The following HRH4 variants were observed in gnomAD, a reference collection of about 807,000 sequenced individuals.
HRH4 encodes the protein histamine H4 receptor.
In HRH4, 12 loss-of-function variants were observed where a neutral mutation model predicts 10.4. That is an observed-to-expected ratio of 1.15 (90% CI 0.74 to 1.87). HRH4 has a LOEUF of 1.87. Among genes scored for constraint, HRH4 ranks in the 40% most tolerant of loss-of-function variants. The pLI is 0.00. For synonymous variants in HRH4, 154 were observed against 166.6 expected (o/e 0.92, Z 0.58); for missense variants, 415 against 453.3 (o/e 0.92, Z 0.77).
chr18:24,477,016 G>C lies in HRH4; in HGVS notation c.627G>C (p.Arg209Ser). The part of the protein sequence containing the change: ...WSLWKRDHLS[R>S]CQSHPGLTAV... The stretch of plus-strand genomic sequence containing the variant: ...TGTGGAAGCGTGATCATCTCAGTAG[G>C]TGCCAAAGCCATCCTGGACTGACTG... The change falls in exon 3 of 3, where the codon AGG becomes AGC. Residue 209 changes from arginine to serine, a missense_variant. Coordinates refer to ENST00000256906, the MANE Select transcript of HRH4 (RefSeq NM_021624.4). The C allele has an allele frequency of 6.2e-6, 10 of 1,614,124 alleles. No homozygotes were observed. The highest frequency in any genetic ancestry group is 8.5e-6 in the Non-Finnish European group (10 of 1,179,998).
Position 24,468,831 on chromosome 18 carries a change from A to G in HRH4, c.237A>G (p.Glu79=). The change falls in exon 2 of 3, where the codon GAA becomes GAG. Residue 79 remains glutamate, a synonymous_variant. Transcript: ENST00000256906. ...TGTACATCCCTCACACGCTGTTCGA[A>G]TGGGATTTTGGAAAGGAAATCTGTG... ...IPLYIPHTLF[E]WDFGKEICVF... is the part of the protein sequence containing the mutation. 6.2e-7 allele frequency: 1 copy of G among 1,614,004 alleles called. No individual in the cohort carries two copies. The highest frequency in any genetic ancestry group is 8.5e-7 in the Non-Finnish European group (1 of 1,179,966).
At chr18:24,470,468 C>T (rs912567123) in intron 2 of HRH4, among the ~76,000 whole-genome samples, 10 of 150,604 alleles carry the variant, frequency 6.6e-5, no homozygotes, top group African/African-American at 2.2e-4. Context: ...ACTTTATTTG[C>T]CCAAACAGGT....
At chr18:24,461,950 G>A (rs558733528) in intron 1 of HRH4, among the ~76,000 whole-genome samples, 10 of 152,192 alleles carry the variant, frequency 6.6e-5, no homozygotes, top group African/African-American at 2.4e-4. Context: ...GTGGACAAGA[G>A]ATGTTCAGAA....
At chr18:24,469,856 T>C (rs1244691846) in intron 2 of HRH4, among the ~76,000 whole-genome samples, 1 of 152,202 alleles carries the variant, frequency 6.6e-6, no homozygotes, top group Non-Finnish European at 1.5e-5. Context: ...GATTATTTTG[T>C]CACCCGGGGA....
chr18:24,468,824 T>A lies in HRH4; in HGVS notation c.230T>A (p.Leu77Gln). 1 of 1,614,100 alleles carries A rather than the reference T, an allele frequency of 6.2e-7. No individual in the cohort carries two copies. The highest frequency in any genetic ancestry group is 1.1e-5 in the South Asian group (1 of 91,066). ...ISIPLYIPHT[L>Q]FEWDFGKEIC... ...ATTCCTTTGTACATCCCTCACACGC[T>A]GTTCGAATGGGATTTTGGAAAGGAA... The change falls in exon 2 of 3, where the codon CTG (leucine) becomes CAG (glutamine). Residue 77 changes from leucine to glutamine, a missense_variant. Coordinates refer to ENST00000256906, the MANE Select transcript of HRH4 (RefSeq NM_021624.4).
intron 1 of HRH4, among the ~76,000 whole-genome samples, chr18:24,464,926 A>G (rs1909734784): frequency 6.6e-6 from 1 of 152,042 alleles, no homozygotes; most frequent in East Asian, 1.9e-4. Flanking sequence ...TGCAGAGAGG[A>G]GGGAAAGGGA....
In HRH4 at chr18:24,477,618, G is replaced by GTGAGAT; in HGVS notation, c.*57_*58insGAGATT. ...TCTCAATCTCACCTAAATGAATCAG[G>GTGAGAT]TCTGCCCTTTATCTTGCCCTTTTCA... On this transcript the variant is annotated 3_prime_UTR_variant, in exon 3 of 3. Transcript: ENST00000256906. 8.0e-7 allele frequency: 1 copy of GTGAGAT among 1,244,370 alleles called. No homozygotes were observed. Among genetic ancestry groups the GTGAGAT allele is most frequent in the Non-Finnish European group, 1.1e-6 (1 of 900,504 alleles). The allele number at this position is 1,244,370 out of a possible 1,614,324, so 77.1% of individuals were successfully genotyped here. A position where few individuals can be genotyped will look rare whatever the true frequency, so the allele number is the denominator to read the frequency against.
chr18:24,468,137 A>C (rs1208574053), intron 1 of HRH4, among the ~76,000 whole-genome samples: 1 of 152,144 alleles, frequency 6.6e-6, no homozygotes, highest in Non-Finnish European at 1.5e-5. Flanking sequence ...AGAAAGCTGA[A>C]GTCCCTGATA....
In HRH4 at chr18:24,468,857, T is replaced by C; in HGVS notation, c.263T>C (p.Val88Ala). ...TGGGATTTTGGAAAGGAAATCTGTG[T>C]ATTTTGGCTCACTACTGACTATCTG... ...FEWDFGKEIC[V>A]FWLTTDYLLC... The change falls in exon 2 of 3, where the codon GTA becomes GCA. Residue 88 changes from valine to alanine, a missense_variant. Transcript: ENST00000256906. 6.2e-7 allele frequency: 1 copy of C among 1,614,050 alleles called. No individual in the cohort carries two copies. The highest frequency in any genetic ancestry group is 8.5e-7 in the Non-Finnish European group (1 of 1,179,912).
chr18:24,470,501 A>ATTTTTTTTTTTTTTTT (rs200257355), intron 2 of HRH4, among the ~76,000 whole-genome samples: 6 of 129,880 alleles, frequency 4.6e-5, no homozygotes, highest in Non-Finnish European at 3.2e-5. Flanking sequence ...TTGTTTCTCT[A>ATTTTTTTTTTTTTTTT]TTTTTTTTTT....
At chr18:24,470,310 C>A (rs989250113) in intron 2 of HRH4, among the ~76,000 whole-genome samples, 13 of 152,166 alleles carry the variant, frequency 8.5e-5, no homozygotes, top group Admixed American at 2.6e-4. Flanking sequence ...CAGGGACTGG[C>A]AAACTTTCAT....
In HRH4 at chr18:24,477,519, A is replaced by G; in HGVS notation, c.1130A>G (p.Lys377Arg). 2 of 1,605,276 alleles carry G rather than the reference A, an allele frequency of 1.2e-6. No individual in the cohort carries two copies. Among genetic ancestry groups the G allele is most frequent in the South Asian group, 2.2e-5 (2 of 90,396 alleles). The change falls in exon 3 of 3, where the codon AAG (lysine) becomes AGG (arginine). Residue 377 changes from lysine to arginine, a missense_variant. Physicochemically the swap from Lys to Arg is conservative, Grantham distance 26. Transcript: ENST00000256906. The stretch of plus-strand genomic sequence containing the variant: ...TTCTTGAAAATATTTTGTATAAAAA[A>G]GCAACCTCTACCATCACAACACAGT... ...KAFLKIFCIK[K>R]QPLPSQHSRS...
rs970330209 is a variant in HRH4 at position 24,477,410 on chromosome 18, A to G, written c.1021A>G (p.Arg341Gly). ...AACAGGTCCTAAATCAGTTTGGTAT[A>G]GAATTGCATTTTGGCTTCAGTGGTT... is the stretch of plus-strand genomic sequence containing the variant. ...SATGPKSVWY[R>G]IAFWLQWFNS... Residue 341 changes from arginine (R) to glycine (G), a missense_variant, in exon 3 of 3, where the codon AGA (arginine) becomes GGA (glycine). Coordinates refer to ENST00000256906, the MANE Select transcript of HRH4 (RefSeq NM_021624.4). The G allele has an allele frequency of 1.2e-6, 2 of 1,614,056 alleles. No individual in the cohort carries two copies. The highest frequency in any genetic ancestry group is 1.7e-6 in the Non-Finnish European group (2 of 1,180,010).
At chr18:24,475,954 G>A (rs1910121390) in intron 2 of HRH4, among the ~76,000 whole-genome samples, 1 of 152,128 alleles carries the variant, frequency 6.6e-6, no homozygotes, top group Admixed American at 6.6e-5. Flanking sequence ...GTTGCAGTGA[G>A]CCGAGATTGC....
At chr18:24,464,304 A>G (rs990344766) in intron 1 of HRH4, among the ~76,000 whole-genome samples, 1 of 152,170 alleles carries the variant, frequency 6.6e-6, no homozygotes, top group Non-Finnish European at 1.5e-5. Flanking sequence ...TGCGTCCTCA[A>G]GAGGCCTTTC....
Position 24,460,664 on chromosome 18 carries a change from C to A in HRH4, c.-65C>A. ...ACATTTTAGGTATGTGATTAGAAAA[C>A]ATACTTGTCAGAATTGTCTGGCTGG... On this transcript the variant is annotated 5_prime_UTR_variant, in exon 1 of 3. Coordinates refer to ENST00000256906, the MANE Select transcript of HRH4 (RefSeq NM_021624.4). 9.2e-7 allele frequency: 1 copy of A among 1,086,508 alleles called. No individual in the cohort carries two copies. Among genetic ancestry groups the A allele is most frequent in the Non-Finnish European group, 1.3e-6 (1 of 772,808 alleles). The allele number at this position is 1,086,508 out of a possible 1,614,324, so 67.3% of individuals were successfully genotyped here. A position where few individuals can be genotyped will look rare whatever the true frequency, so the allele number is the denominator to read the frequency against.
rs1910162504 is a variant in HRH4, at chr18:24,477,137, T to C, written c.748T>C (p.Ser250Pro). ...GACAGAAGTTCCTGCATCCTTTCAT[T>C]CAGAGAGACAGAGGAGAAAGAGTAG... is the stretch of plus-strand genomic sequence containing the variant. Reference protein sequence around the residue: ...ASTEVPASFHSERQRRKSSLM... With the variant: ...ASTEVPASFHPERQRRKSSLM... The change falls in exon 3 of 3, where the codon TCA becomes CCA. Residue 250 changes from serine (S) to proline (P), a missense_variant. By Grantham distance (74) the Ser-to-Pro change is moderately conservative. Transcript: ENST00000256906. 6.2e-7 allele frequency: 1 copy of C among 1,614,090 alleles called. No individual in the cohort carries two copies. Among genetic ancestry groups the C allele is most frequent in the African/African-American group, 1.3e-5 (1 of 74,934 alleles).
chr18:24,461,397 G>A (rs1909634021), intron 1 of HRH4, among the ~76,000 whole-genome samples: 1 of 152,024 alleles, frequency 6.6e-6, no homozygotes. Flanking sequence ...TAATGATATG[G>A]CATAGAATTT....
Position 24,460,945 on chromosome 18 carries a change from G to A in HRH4, c.193+24G>A, listed in dbSNP as rs549485179. On this transcript the variant is annotated intron_variant, in intron 1 of 2. Transcript: ENST00000256906. ...GGGTAAGTTATATGTCTTTATTTAAGACAGTCTTTTCCGATTTTAATTTAT... is the reference window on the plus strand; with the variant it reads ...GGGTAAGTTATATGTCTTTATTTAAAACAGTCTTTTCCGATTTTAATTTAT... 1.6e-5 allele frequency: 23 copies of A among 1,416,396 alleles called. 1 individual carries two copies. The South Asian group carries it at 3.3e-4, about 21-fold the overall frequency. The allele number at this position is 1,416,396 out of a possible 1,614,324, so 87.7% of individuals were successfully genotyped here. A position where few individuals can be genotyped will look rare whatever the true frequency, so the allele number is the denominator to read the frequency against.
Sources: gnomAD v4.1 joint callset for allele counts (sites outside exome capture counted in the v4.1 genomes callset) on GRCh38, gnomAD v4.1.1 for gene constraint, MANE v1.5 for transcripts, NCBI Gene and HGNC (gene_info 2026-07-23, HGNC 2026-07-21) for gene names.